Variants in XKR3 observed in about 807,000 individuals in gnomAD.
XKR3 encodes XK-related protein 3.
In XKR3, 27 loss-of-function variants were observed where a neutral mutation model predicts 40.3. The ratio of observed to expected loss-of-function variants is 0.67; its 90% CI spans 0.49 to 0.92. XKR3 has a LOEUF of 0.92. XKR3 is among the 40% of genes least tolerant of loss of function. The pLI, the probability that XKR3 is intolerant of heterozygous loss-of-function variation, is 0.00. For synonymous variants in XKR3, 193 were observed against 195.4 expected (o/e 0.99, Z 0.10); for missense variants, 472 against 537.6 (o/e 0.88, Z 1.21).
chr22:16,816,066 G>A lies in XKR3; in HGVS notation c.-10-7983C>T, dbSNP rs73386015. 3.7e-3 allele frequency among the ~76,000 whole-genome samples: 558 copies of A among 151,712 alleles called. 8 individuals are homozygous for A. Among genetic ancestry groups the A allele is most frequent in the African/African-American group, 0.013 (530 of 41,416 alleles). On this transcript the variant is annotated intron_variant, in intron 1 of 3. Coordinates refer to ENST00000684488, the MANE Select transcript of XKR3 (RefSeq NM_001386955.1). ...TCTACACCTTTGTTTTAATATTTCA[G>A]TGTGATTATTCCCAAGTAAAAGCAT...
Position 16,788,600 on chromosome 22 carries a change from T to TA in XKR3, c.590-4192dup, listed in dbSNP as rs1195176679. On this transcript the variant is annotated intron_variant, in intron 3 of 3. Coordinates refer to ENST00000684488, the MANE Select transcript of XKR3 (RefSeq NM_001386955.1). ...TTCTTTTTAACCTAGTGGAAAAAAA[T>TA]AAAAAAAAGAAGATATGTGAACTGT... is the stretch of plus-strand genomic sequence containing the variant. Among the ~76,000 whole-genome samples the TA allele has an allele frequency of 4.6e-5, 7 of 151,038 alleles. No individual in the cohort carries two copies. In the South Asian group the frequency reaches 6.3e-4, roughly 14 times the overall value.
In XKR3 at chr22:16,789,359, C is replaced by G. The variant is rs368474339; in HGVS notation, c.590-4950G>C. Among the ~76,000 whole-genome samples, 5 of 152,098 alleles carry G rather than the reference C, an allele frequency of 3.3e-5. No homozygotes were observed. The East Asian group carries it at 9.6e-4, about 29-fold the overall frequency. On this transcript the variant is annotated intron_variant, in intron 3 of 3. Coordinates refer to ENST00000684488, the MANE Select transcript of XKR3 (RefSeq NM_001386955.1). The stretch of plus-strand genomic sequence containing the variant: ...ATAAATTAAGTAGCATTTTCATATA[C>G]TAATACGAAAATGTCTACAAAAAAA...
At position 16,783,845 on chromosome 22, in the gene XKR3, C is replaced by T. The variant is rs1244748585; in HGVS notation, c.1154G>A (p.Ser385Asn). Residue 385 changes from serine to asparagine, a missense_variant, in exon 4 of 4, where the codon AGC becomes AAC. Coordinates refer to ENST00000684488, the MANE Select transcript of XKR3 (RefSeq NM_001386955.1). Reference sequence around the variant, plus strand: ...CATAAAGCCAGTGGCCAATAGGTAGCTTATGATGAGCTGCACGGCAATTAA... The same window carrying T: ...CATAAAGCCAGTGGCCAATAGGTAGTTTATGATGAGCTGCACGGCAATTAA... Reference protein sequence around the residue: ...DSLIAVQLIISYLLATGFMLL... With the variant: ...DSLIAVQLIINYLLATGFMLL... 4 of 1,614,176 alleles carry T rather than the reference C, an allele frequency of 2.5e-6. No homozygotes were observed. The highest frequency in any genetic ancestry group is 3.3e-5 in the Admixed American group (2 of 60,012).
At chr22:16,798,816 C>T (rs1363715042) in intron 3 of XKR3, among the ~76,000 whole-genome samples, 2 of 152,148 alleles carry the variant, frequency 1.3e-5, no homozygotes, top group Non-Finnish European at 2.9e-5. Flanking sequence ...CACACCTGAA[C>T]TTAAATATGG....
chr22:16,809,949 T>C (rs1168980670), intron 1 of XKR3, among the ~76,000 whole-genome samples: 1 of 152,120 alleles, frequency 6.6e-6, no homozygotes, highest in Non-Finnish European at 1.5e-5. Context: ...ACAGGGTCTC[T>C]TCATATTGCC....
intron 1 of XKR3, among the ~76,000 whole-genome samples, chr22:16,819,570 A>G (rs566239020): frequency 6.6e-6 from 1 of 152,212 alleles, no homozygotes; most frequent in Non-Finnish European, 1.5e-5. Flanking sequence ...TTAAGGAAAA[A>G]TAGCCTTAAC....
In XKR3 at chr22:16,807,829, T is replaced by C. The variant is rs1341531341; in HGVS notation, c.245A>G (p.Gln82Arg). Reference sequence around the variant, plus strand: ...TTTGTTGAAAAACATCAGGATAATTTGATCCAAAATTGCCCCCACAATAAT... The same window carrying C: ...TTTGTTGAAAAACATCAGGATAATTCGATCCAAAATTGCCCCCACAATAAT... ...SFIIVGAILD[Q>R]IILMFFNKDL... Residue 82 changes from glutamine (Q) to arginine (R), a missense_variant, in exon 2 of 4, where the codon CAA becomes CGA. Transcript: ENST00000684488. The C allele has an allele frequency of 2.5e-6, 4 of 1,613,972 alleles. No individual in the cohort carries two copies. The Admixed American group carries it at 6.7e-5, about 27-fold the overall frequency.
Position 16,824,190 on chromosome 22 carries a change from C to T in XKR3, c.-11+1101G>A, listed in dbSNP as rs2060266014. 2.0e-5 allele frequency among the ~76,000 whole-genome samples: 3 copies of T among 152,054 alleles called. No homozygotes were observed. The South Asian group carries it at 6.2e-4, about 32-fold the overall frequency. On this transcript the variant is annotated intron_variant, in intron 1 of 3. Coordinates refer to ENST00000684488, the MANE Select transcript of XKR3 (RefSeq NM_001386955.1). ...AAAGGGATGAGACAGAAAAAACACT[C>T]TTGTAAATAAAGAGAGAAGAGTACA...
At chr22:16,810,193 T>C (rs1392947252) in intron 1 of XKR3, among the ~76,000 whole-genome samples, 2 of 152,242 alleles carry the variant, frequency 1.3e-5, no homozygotes, top group African/African-American at 4.8e-5. Context: ...GCCAGTCTCT[T>C]ACCAATGCCC....
chr22:16,820,640 A>T (rs200400501), intron 1 of XKR3, among the ~76,000 whole-genome samples: 4 of 24,882 alleles, frequency 1.6e-4, no homozygotes, highest in African/African-American at 6.4e-4. Context: ...GTTGACATAC[A>T]TAGTCTCCAT....
chr22:16,798,420 T>C lies in XKR3; in HGVS notation c.589+1351A>G, dbSNP rs143988848. ...TTGTGGAAAGCACTCTGGAAGTTTC[T>C]CAAAGAATTTAATACAGAGCTACCA... On this transcript the variant is annotated intron_variant, in intron 3 of 3. Transcript: ENST00000684488. Among the ~76,000 whole-genome samples, 287 of 152,302 alleles carry C rather than the reference T, an allele frequency of 1.9e-3. 2 individuals are homozygous for C. Among genetic ancestry groups the C allele is most frequent in the African/African-American group, 6.6e-3 (275 of 41,554 alleles).
intron 1 of XKR3, among the ~76,000 whole-genome samples, chr22:16,822,585 A>C (rs2060261432): frequency 6.6e-6 from 1 of 152,166 alleles, no homozygotes; most frequent in Admixed American, 6.5e-5. Context: ...CATACTTGAC[A>C]TAAAGACACA....
chr22:16,792,461 T>G (rs2146146537), intron 3 of XKR3, among the ~76,000 whole-genome samples: 1 of 152,308 alleles, frequency 6.6e-6, no homozygotes, highest in South Asian at 2.1e-4. Context: ...AATTTCCAAC[T>G]ATAGATCCTA....
At chr22:16,823,048 A>G (rs1183168026) in intron 1 of XKR3, among the ~76,000 whole-genome samples, 3 of 151,946 alleles carry the variant, frequency 2.0e-5, no homozygotes, top group South Asian at 2.1e-4. Flanking sequence ...CATGTACACT[A>G]ATTTTTGTGT....
intron 3 of XKR3, among the ~76,000 whole-genome samples, chr22:16,794,522 C>A (rs2060132794): frequency 6.6e-6 from 1 of 152,050 alleles, no homozygotes; most frequent in East Asian, 1.9e-4. Context: ...ATGCTAAGGG[C>A]ATACACTTTA....
At chr22:16,796,350 G>A (rs1254718886) in intron 3 of XKR3, among the ~76,000 whole-genome samples, 1 of 152,002 alleles carries the variant, frequency 6.6e-6, no homozygotes, top group African/African-American at 2.4e-5. Context: ...CTCATTCAAT[G>A]AGCCCAGATT....
At chr22:16,784,436 A>G (rs1601837518) in intron 3 of XKR3, 27 bp from the exon 4 acceptor site, 1 of 1,541,454 alleles carries the variant, frequency 6.5e-7, no homozygotes, top group South Asian at 1.3e-5. Flanking sequence ...TGAAAATGTT[A>G]GAGAATATTT....
At chr22:16,795,522 A>G (rs1396079612) in intron 3 of XKR3, among the ~76,000 whole-genome samples, 1 of 152,186 alleles carries the variant, frequency 6.6e-6, no homozygotes, top group Non-Finnish European at 1.5e-5. Flanking sequence ...ACCAACACCA[A>G]ATCTAGCAGA....
At chr22:16,795,914 G>C (rs1601842285) in intron 3 of XKR3, among the ~76,000 whole-genome samples, 1 of 151,964 alleles carries the variant, frequency 6.6e-6, no homozygotes, top group Non-Finnish European at 1.5e-5. Flanking sequence ...TGTCAGTGAT[G>C]CAAGATCATG....
Sources: gnomAD v4.1 joint callset for allele counts (sites outside exome capture counted in the v4.1 genomes callset) on GRCh38, gnomAD v4.1.1 for gene constraint, MANE v1.5 for transcripts, NCBI Gene and HGNC (gene_info 2026-07-23, HGNC 2026-07-21) for gene names.